CNTN5: variants seen among roughly 807,000 people sequenced by gnomAD.
CNTN5 encodes the protein contactin-5.
A neutral mutation model predicts 129.1 loss-of-function variants in CNTN5; 77 were observed. The observed-to-expected ratio is 0.60, with a 90% CI of 0.50 to 0.72. The LOEUF is 0.72. Ranked by LOEUF, CNTN5 falls within the 30% of genes least tolerant of loss-of-function variation. The pLI, the probability that CNTN5 is intolerant of heterozygous loss-of-function variation, is 0.00. For synonymous variants in CNTN5, 509 were observed against 465.6 expected (o/e 1.09, Z -1.20); for missense variants, 1,478 against 1,328.8 (o/e 1.11, Z -1.75).
At chr11:99,110,446 GT>G (rs1262985592) in intron 1 of CNTN5, among the ~76,000 whole-genome samples, 2 of 152,092 alleles carry the variant, frequency 1.3e-5, no homozygotes, top group African/African-American at 4.8e-5. Context: ...TTAAGTAATG[GT>G]TTGCATTGTA....
At chr11:99,819,870 A>T in intron 4 of CNTN5, 105 bp downstream of exon 4, 3 of 746,404 alleles carry the variant, frequency 4.0e-6, no homozygotes, top group Non-Finnish European at 6.5e-6. Context: ...GGAGAGAGTG[A>T]TTGAACTCAA....
intron 6 of CNTN5, among the ~76,000 whole-genome samples, chr11:99,902,879 A>G (rs909024510): frequency 1.3e-5 from 2 of 152,148 alleles, no homozygotes; most frequent in African/African-American, 4.8e-5. Context: ...TGGGCCAAGG[A>G]CGGGGAGCAG....
chr11:99,844,563 G>C, intron 4 of CNTN5: 1 of 388,500 alleles, frequency 2.6e-6, no homozygotes, highest in Non-Finnish European at 4.8e-6. Context: ...CCTTCAGTCT[G>C]ATTTTGAAAA....
intron 7 of CNTN5, among the ~76,000 whole-genome samples, chr11:99,954,799 G>A (rs554324304): frequency 3.9e-5 from 6 of 152,192 alleles, no homozygotes; most frequent in African/African-American, 7.2e-5. Flanking sequence ...CTTCTATTGC[G>A]TACTATTTCT....
chr11:99,920,443 T>A (rs1012768978), intron 7 of CNTN5, among the ~76,000 whole-genome samples: 1 of 152,192 alleles, frequency 6.6e-6, no homozygotes, highest in Admixed American at 6.5e-5. Context: ...CTTGTATGTA[T>A]ATCCAACTGC....
At chr11:99,601,109 G>A (rs1014141013) in intron 3 of CNTN5, among the ~76,000 whole-genome samples, 1 of 152,066 alleles carries the variant, frequency 6.6e-6, no homozygotes, top group African/African-American at 2.4e-5. Context: ...GCACTTGGAA[G>A]GTTTTTAATA....
chr11:100,096,740 T>C (rs1945025087), intron 13 of CNTN5, among the ~76,000 whole-genome samples: 1 of 152,136 alleles, frequency 6.6e-6, no homozygotes, highest in South Asian at 2.1e-4. Flanking sequence ...CATGTCACTT[T>C]CTACCAGCAT....
intron 3 of CNTN5, among the ~76,000 whole-genome samples, chr11:99,799,623 A>G (rs1946052980): frequency 6.6e-6 from 1 of 151,878 alleles, no homozygotes; most frequent in Admixed American, 6.6e-5. Context: ...TAACTTTTTG[A>G]TAAGCTGTAG....
chr11:99,786,820 G>A (rs2135415185), intron 3 of CNTN5, among the ~76,000 whole-genome samples: 1 of 152,204 alleles, frequency 6.6e-6, no homozygotes, highest in South Asian at 2.1e-4. Flanking sequence ...ACTGAAACTG[G>A]ACCCCTTCCT....
At chr11:99,126,402 T>C (rs1426386089) in intron 1 of CNTN5, among the ~76,000 whole-genome samples, 1 of 152,218 alleles carries the variant, frequency 6.6e-6, no homozygotes, top group African/African-American at 2.4e-5. Context: ...CAGTATTTTA[T>C]TAGGAGTGTG....
chr11:99,887,440 A>G (rs991235635), intron 6 of CNTN5, among the ~76,000 whole-genome samples: 1 of 152,178 alleles, frequency 6.6e-6, no homozygotes, highest in Admixed American at 6.5e-5. Context: ...TCTGTAATTT[A>G]CTAGCTGAAT....
chr11:99,036,204 A>G (rs1863724748), intron 1 of CNTN5, among the ~76,000 whole-genome samples: 1 of 152,106 alleles, frequency 6.6e-6, no homozygotes, highest in Admixed American at 6.6e-5. Context: ...TTGGATAAAT[A>G]TTAATTTAGA....
At chr11:99,377,461 T>C (rs552015271) in intron 2 of CNTN5, among the ~76,000 whole-genome samples, 1 of 152,218 alleles carries the variant, frequency 6.6e-6, no homozygotes, top group Non-Finnish European at 1.5e-5. Flanking sequence ...TTTTAAATAT[T>C]GTTTGTATTG....
intron 2 of CNTN5, among the ~76,000 whole-genome samples, chr11:99,465,678 A>T (rs1944903361): frequency 6.6e-6 from 1 of 151,954 alleles, no homozygotes; most frequent in Admixed American, 6.6e-5. Context: ...TTAGATAGCT[A>T]AAAAGAAATA....
intron 3 of CNTN5, among the ~76,000 whole-genome samples, chr11:99,560,587 A>T (rs1948810978): frequency 6.6e-6 from 1 of 152,138 alleles, no homozygotes. Flanking sequence ...CACCGCGCCC[A>T]GCCTGTATTA....
intron 8 of CNTN5, among the ~76,000 whole-genome samples, chr11:99,995,704 T>G (rs751381587): frequency 7.7e-4 from 117 of 152,162 alleles, no homozygotes; most frequent in Non-Finnish European, 1.5e-3. Flanking sequence ...ATGCACAGTC[T>G]CCTCAGAGAA....
At chr11:99,958,220 T>A (rs1162013002) in intron 8 of CNTN5, among the ~76,000 whole-genome samples, 1 of 152,162 alleles carries the variant, frequency 6.6e-6, no homozygotes, top group Non-Finnish European at 1.5e-5. Flanking sequence ...GATAAATGAC[T>A]GAACAAAAGC....
chr11:99,989,848 C>G, intron 8 of CNTN5, among the ~76,000 whole-genome samples: 1 of 152,166 alleles, frequency 6.6e-6, no homozygotes, highest in East Asian at 1.9e-4. Flanking sequence ...TCACTGCAAC[C>G]TCCGCCTCCT....
At chr11:100,184,806 A>G (rs1036400258) in intron 13 of CNTN5, among the ~76,000 whole-genome samples, 2 of 152,178 alleles carry the variant, frequency 1.3e-5, no homozygotes, top group Non-Finnish European at 2.9e-5. Flanking sequence ...TACAAATTAT[A>G]TTTCTTATTA....
Sources: gnomAD v4.1 joint callset for allele counts (sites outside exome capture counted in the v4.1 genomes callset) on GRCh38, gnomAD v4.1.1 for gene constraint, MANE v1.5 for transcripts, NCBI Gene and HGNC (gene_info 2026-07-23, HGNC 2026-07-21) for gene names.